CIMIP2C: variants seen among roughly 807,000 people sequenced by gnomAD.
CIMIP2C encodes ciliary microtubule inner protein 2C.
At chr2:26,578,740 G>A in the CIMIP2C span, 1 of 471,130 alleles carries the variant, frequency 2.1e-6, no homozygotes, top group Admixed American at 2.3e-5. Context: ...CATCACTGTG[G>A]GGAGAGCGGG....
the CIMIP2C span, among the ~76,000 whole-genome samples, chr2:26,571,395 C>T: frequency 3.3e-5 from 5 of 152,316 alleles, no homozygotes; most frequent in Admixed American, 6.5e-5. Flanking sequence ...GCACTAGAAC[C>T]TTGACCATGG....
the CIMIP2C span, among the ~76,000 whole-genome samples, chr2:26,575,039 C>G: frequency 6.6e-6 from 1 of 152,248 alleles, no homozygotes; most frequent in African/African-American, 2.4e-5. Flanking sequence ...TTTGTTAAAA[C>G]AAGTCTTTAG....
chr2:26,578,551 G>A, the CIMIP2C span: 2 of 296,062 alleles, frequency 6.8e-6, no homozygotes, highest in Non-Finnish European at 1.3e-5. Context: ...GCGTGGCCTG[G>A]ATGGTTGGAG....
chr2:26,569,863 C>A, the CIMIP2C span, among the ~76,000 whole-genome samples: 1 of 152,224 alleles, frequency 6.6e-6, no homozygotes, highest in Non-Finnish European at 1.5e-5. Flanking sequence ...ATAAAACTTG[C>A]CATTCCCCTC....
At chr2:26,576,094 G>A in the CIMIP2C span, 12 of 1,614,170 alleles carry the variant, frequency 7.4e-6, no homozygotes, top group Non-Finnish European at 9.3e-6. Context: ...CCAGCACCCG[G>A]GACCGCTGGC....
the CIMIP2C span, chr2:26,578,882 C>G: frequency 4.2e-6 from 2 of 472,174 alleles, no homozygotes; most frequent in African/African-American, 4.0e-5. Flanking sequence ...GCAAGCCCCT[C>G]CCTCCCGGAA....
At chr2:26,577,964 G>T in the CIMIP2C span, 1 of 319,648 alleles carries the variant, frequency 3.1e-6, no homozygotes, top group East Asian at 7.7e-5. Context: ...TAGTCCTAAC[G>T]TGGGCGCCGA....
At chr2:26,569,900 G>C in the CIMIP2C span, among the ~76,000 whole-genome samples, 2 of 152,158 alleles carry the variant, frequency 1.3e-5, no homozygotes, top group South Asian at 2.1e-4. Flanking sequence ...GGCCTGCCAC[G>C]TATCAACACA....
At chr2:26,569,526 C>T in the CIMIP2C span, among the ~76,000 whole-genome samples, 11 of 152,038 alleles carry the variant, frequency 7.2e-5, no homozygotes, top group Admixed American at 3.9e-4. Context: ...GTGGACATGC[C>T]GAATAGTCGC....
the CIMIP2C span, chr2:26,577,372 C>A: frequency 1.4e-6 from 1 of 708,194 alleles, no homozygotes; most frequent in South Asian, 1.7e-5. Context: ...TGAGTTGGGG[C>A]CCCAGCAACT....
chr2:26,569,374 G>A, the CIMIP2C span, among the ~76,000 whole-genome samples: 5 of 152,288 alleles, frequency 3.3e-5, no homozygotes, highest in South Asian at 4.1e-4. Flanking sequence ...AGGCCCTGGC[G>A]CGGAGGGACT....
At chr2:26,565,493 C>A in the CIMIP2C span, among the ~76,000 whole-genome samples, 25 of 152,320 alleles carry the variant, frequency 1.6e-4, no homozygotes, top group Admixed American at 1.4e-3. Context: ...GACTTCAACG[C>A]CCCAACTCAC....
At chr2:26,563,178 C>T in the CIMIP2C span, 1 of 158,456 alleles carries the variant, frequency 6.3e-6, no homozygotes, top group Non-Finnish European at 1.4e-5. Context: ...CTGGCAAGGC[C>T]GGAAGAGCCG....
At chr2:26,579,504 G>A in the CIMIP2C span, 2 of 1,568,352 alleles carry the variant, frequency 1.3e-6, no homozygotes, top group East Asian at 2.3e-5. Context: ...GGCTTGCTTG[G>A]AATAAAATCT....
At chr2:26,573,113 A>T in the CIMIP2C span, among the ~76,000 whole-genome samples, 1 of 152,192 alleles carries the variant, frequency 6.6e-6, no homozygotes, top group Non-Finnish European at 1.5e-5. Context: ...GCAGGACCTG[A>T]TATGACCTTA....
At chr2:26,566,500 C>G in the CIMIP2C span, among the ~76,000 whole-genome samples, 1 of 152,192 alleles carries the variant, frequency 6.6e-6, no homozygotes, top group African/African-American at 2.4e-5. Context: ...AACATTCATC[C>G]GTATCTGTGG....
the CIMIP2C span, among the ~76,000 whole-genome samples, chr2:26,575,188 T>A: frequency 0.036 from 5,538 of 152,274 alleles, 357 homozygotes; most frequent in East Asian, 0.27. Flanking sequence ...CTCTCAGAGC[T>A]CCAGAACCTT....
At chr2:26,575,914 C>T in the CIMIP2C span, 47 of 1,613,122 alleles carry the variant, frequency 2.9e-5, no homozygotes, top group South Asian at 4.4e-5. Flanking sequence ...ACCAGGGCCA[C>T]GTCCCCACTG....
the CIMIP2C span, chr2:26,575,928 C>T: frequency 5.6e-6 from 9 of 1,613,460 alleles, no homozygotes; most frequent in Admixed American, 5.0e-5. Context: ...CCCACTGTGG[C>T]CTTCTCCTTT....
Sources: allele counts gnomAD v4.1 joint callset (sites outside exome capture counted in the v4.1 genomes callset), GRCh38; gene constraint gnomAD v4.1.1; transcripts MANE v1.5; gene names NCBI Gene and HGNC (gene_info 2026-07-23, HGNC 2026-07-21).